NMNAT2: variants seen among roughly 807,000 people sequenced by gnomAD.
NMNAT2 encodes the protein nicotinamide nucleotide adenylyltransferase 2.
A neutral mutation model predicts 41.6 loss-of-function variants in NMNAT2; 11 were observed. That is an observed-to-expected ratio of 0.26 (90% CI 0.17 to 0.44). The LOEUF (loss-of-function observed/expected upper bound fraction) is 0.44, where lower values mean the gene tolerates loss of function less well. Ranked by LOEUF, NMNAT2 falls within the 20% of genes least tolerant of loss-of-function variation. The probability of loss-of-function intolerance (pLI) is 1.00; values close to 1 mark genes in which losing one functional copy is unlikely to be tolerated. For synonymous variants in NMNAT2, 148 were observed against 151.2 expected (o/e 0.98, Z 0.16); for missense variants, 288 against 407.7 (o/e 0.71, Z 2.53).
intron 1 of NMNAT2, among the ~76,000 whole-genome samples, chr1:183,403,092 T>A (rs1414988665): frequency 6.6e-6 from 1 of 151,704 alleles, no homozygotes; most frequent in Non-Finnish European, 1.5e-5. Context: ...TGCCATCACG[T>A]CCAGCTAATT....
chr1:183,327,492 C>T (rs1662494664), intron 1 of NMNAT2, among the ~76,000 whole-genome samples: 1 of 152,244 alleles, frequency 6.6e-6, no homozygotes, highest in African/African-American at 2.4e-5. Context: ...TATTTGCAGG[C>T]ATTCCTTCTT....
intron 1 of NMNAT2, among the ~76,000 whole-genome samples, chr1:183,326,512 G>A (rs886496551): frequency 6.6e-6 from 1 of 151,972 alleles, no homozygotes; most frequent in Non-Finnish European, 1.5e-5. Context: ...GGCAGACTTA[G>A]AAGCTTAGCT....
chr1:183,354,753 C>T (rs1663147093), intron 1 of NMNAT2, among the ~76,000 whole-genome samples: 1 of 152,100 alleles, frequency 6.6e-6, no homozygotes, highest in African/African-American at 2.4e-5. Context: ...TATATCCAAT[C>T]CATCACCAAA....
chr1:183,340,244 T>C (rs1049871549), intron 1 of NMNAT2, among the ~76,000 whole-genome samples: 1 of 151,670 alleles, frequency 6.6e-6, no homozygotes. Flanking sequence ...CATCCTCAAA[T>C]AGATACAGCT....
intron 1 of NMNAT2, among the ~76,000 whole-genome samples, chr1:183,341,859 T>C (rs910626595): frequency 5.3e-5 from 8 of 151,616 alleles, no homozygotes; most frequent in African/African-American, 1.7e-4. Context: ...CAGGAAAGTA[T>C]ATCAAAGTAG....
rs1205478167 is a variant in NMNAT2, at chr1:183,286,800, G to C, written c.322-12C>G. The C allele has an allele frequency of 1.2e-6, 2 of 1,606,012 alleles. No homozygotes were observed. Among genetic ancestry groups the C allele is most frequent in the East Asian group, 2.2e-5 (1 of 44,658 alleles). On this transcript the variant is annotated splice_polypyrimidine_tract_variant and intron_variant, in intron 4 of 10. Transcript: ENST00000287713. Reference sequence around the variant, plus strand: ...CAGCCAGTCACCCTCTAGGGAGAGAGAGAAGAGTGTTATTAGTCATGTGAC... The same window carrying C: ...CAGCCAGTCACCCTCTAGGGAGAGACAGAAGAGTGTTATTAGTCATGTGAC...
Position 183,418,333 on chromosome 1 carries a change from A to G in NMNAT2, c.-66T>C. The G allele has an allele frequency of 6.7e-7, 1 of 1,486,308 alleles. No individual in the cohort carries two copies. Among genetic ancestry groups the G allele is most frequent in the East Asian group, 2.3e-5 (1 of 44,100 alleles). The allele number at this position is 1,486,308 out of a possible 1,614,324, so 92.1% of individuals were successfully genotyped here. ...TCTTTTTGTGTCTCGTTGTGTCTGCAGAGGGAGAAAGGAAGGCGAGGCTCC... is the reference window on the plus strand; with the variant it reads ...TCTTTTTGTGTCTCGTTGTGTCTGCGGAGGGAGAAAGGAAGGCGAGGCTCC... On this transcript the variant is annotated 5_prime_UTR_variant, in exon 1 of 11. Coordinates refer to ENST00000287713, the MANE Select transcript of NMNAT2 (RefSeq NM_015039.4).
chr1:183,260,870 C>A, intron 10 of NMNAT2, 132 bp downstream of exon 10: 1 of 733,502 alleles, frequency 1.4e-6, no homozygotes, highest in South Asian at 1.5e-5. Context: ...CAAATGAGGT[C>A]CAAACAGGAA....
intron 1 of NMNAT2, among the ~76,000 whole-genome samples, chr1:183,297,525 G>A (rs1171769318): frequency 1.3e-5 from 2 of 151,860 alleles, no homozygotes; most frequent in Non-Finnish European, 2.9e-5. Flanking sequence ...TGGAATTACA[G>A]GGATGTGCCA....
intron 1 of NMNAT2, chr1:183,304,876 C>G: frequency 6.6e-7 from 1 of 1,517,668 alleles, no homozygotes; most frequent in African/African-American, 1.4e-5. Flanking sequence ...GAATTTGAAT[C>G]CCTTTGTCCT....
intron 1 of NMNAT2, among the ~76,000 whole-genome samples, chr1:183,379,201 G>T (rs915664171): frequency 2.0e-5 from 3 of 151,866 alleles, no homozygotes; most frequent in African/African-American, 2.4e-5. Context: ...ATTTATTTAA[G>T]ACTATATCTC....
intron 1 of NMNAT2, among the ~76,000 whole-genome samples, chr1:183,326,591 G>A (rs1268428854): frequency 6.6e-6 from 1 of 152,112 alleles, no homozygotes; most frequent in African/African-American, 2.4e-5. Context: ...TCTAGAACTT[G>A]AAGAATCTAT....
At chr1:183,389,294 G>GA (rs1408510934) in intron 1 of NMNAT2, among the ~76,000 whole-genome samples, 1 of 152,086 alleles carries the variant, frequency 6.6e-6, no homozygotes, top group Non-Finnish European at 1.5e-5. Flanking sequence ...GTTGAGCAAA[G>GA]AACACATTCC....
chr1:183,285,670 A>G (rs965709285), intron 5 of NMNAT2, among the ~76,000 whole-genome samples: 11 of 152,224 alleles, frequency 7.2e-5, no homozygotes, highest in African/African-American at 2.2e-4. Context: ...TAGAGCATGG[A>G]CCTGGGAGCC....
At chr1:183,297,179 T>A (rs1661724588) in intron 1 of NMNAT2, among the ~76,000 whole-genome samples, 2 of 151,294 alleles carry the variant, frequency 1.3e-5, no homozygotes, top group Non-Finnish European at 2.9e-5. Context: ...GCCACCTCAC[T>A]AATCTCACTG....
At chr1:183,297,595 G>A (rs892090776) in intron 1 of NMNAT2, among the ~76,000 whole-genome samples, 1 of 152,058 alleles carries the variant, frequency 6.6e-6, no homozygotes, top group East Asian at 1.9e-4. Context: ...TGGTCAGGCT[G>A]ATCTTGAACT....
intron 1 of NMNAT2, among the ~76,000 whole-genome samples, chr1:183,405,957 CA>C (rs2101929205): frequency 6.6e-6 from 1 of 152,246 alleles, no homozygotes; most frequent in African/African-American, 2.4e-5. Flanking sequence ...GACAATACAC[CA>C]GTTAGATTTT....
At chr1:183,412,431 G>A (rs1052556469) in intron 1 of NMNAT2, among the ~76,000 whole-genome samples, 1 of 152,188 alleles carries the variant, frequency 6.6e-6, no homozygotes, top group Non-Finnish European at 1.5e-5. Flanking sequence ...CACCTTGTTA[G>A]CCAGGATGGT....
At chr1:183,333,562 G>C (rs1001825704) in intron 1 of NMNAT2, among the ~76,000 whole-genome samples, 1 of 152,214 alleles carries the variant, frequency 6.6e-6, no homozygotes, top group Non-Finnish European at 1.5e-5. Context: ...TCTCTGAAAG[G>C]TGGAAATGGG....
Sources: gnomAD v4.1 joint callset for allele counts (sites outside exome capture counted in the v4.1 genomes callset) on GRCh38, gnomAD v4.1.1 for gene constraint, MANE v1.5 for transcripts, NCBI Gene and HGNC (gene_info 2026-07-23, HGNC 2026-07-21) for gene names.